Variants in FSTL5 observed in about 807,000 individuals in gnomAD.
The protein encoded by FSTL5 is follistatin like 5.
Under a neutral mutation model 89.1 loss-of-function variants are expected in FSTL5, and 62 were observed. The ratio of observed to expected loss-of-function variants is 0.70; its 90% CI spans 0.57 to 0.86. FSTL5 has a LOEUF of 0.86. Ranked by LOEUF, FSTL5 falls within the 40% of genes least tolerant of loss-of-function variation. The pLI, the probability that FSTL5 is intolerant of heterozygous loss-of-function variation, is 0.00. For synonymous variants in FSTL5, 383 were observed against 346.2 expected (o/e 1.11, Z -1.18); for missense variants, 1,057 against 1,001.6 (o/e 1.06, Z -0.75).
chr4:161,792,734 C>T (rs1283413278), intron 4 of FSTL5, among the ~76,000 whole-genome samples: 5 of 152,182 alleles, frequency 3.3e-5, no homozygotes, highest in Non-Finnish European at 5.9e-5. Flanking sequence ...CTCCTGTTCT[C>T]ATCCCCTGAG....
chr4:162,071,418 T>A (rs1328383764), intron 2 of FSTL5, among the ~76,000 whole-genome samples: 1 of 151,660 alleles, frequency 6.6e-6, no homozygotes, highest in African/African-American at 2.4e-5. Flanking sequence ...TATAATAATA[T>A]AGGAATCAAT....
Position 161,702,296 on chromosome 4 carries a change from C to T in FSTL5, c.728-45802G>A, listed in dbSNP as rs1405946023. On this transcript the variant is annotated intron_variant, in intron 6 of 15. Coordinates refer to ENST00000306100, the MANE Select transcript of FSTL5 (RefSeq NM_020116.5). Reference sequence around the variant, plus strand: ...GATGAGAAGGGTCAACAGAACATTGCATTTTGATAACGACGTTTTAAAATT... The same window carrying T: ...GATGAGAAGGGTCAACAGAACATTGTATTTTGATAACGACGTTTTAAAATT... Among the ~76,000 whole-genome samples the T allele has an allele frequency of 2.0e-5, 3 of 152,274 alleles. No individual in the cohort carries two copies. The East Asian group carries it at 5.8e-4, about 29-fold the overall frequency.
chr4:161,693,308 T>C (rs973967260), intron 6 of FSTL5, among the ~76,000 whole-genome samples: 4 of 152,218 alleles, frequency 2.6e-5, no homozygotes, highest in Non-Finnish European at 5.9e-5. Flanking sequence ...AGAATAATTC[T>C]AGTCTTACAG....
At chr4:162,043,668 A>T (rs957054011) in intron 2 of FSTL5, among the ~76,000 whole-genome samples, 3 of 152,134 alleles carry the variant, frequency 2.0e-5, no homozygotes, top group Non-Finnish European at 2.9e-5. Flanking sequence ...CATGGATTTC[A>T]TCTAGAGTAG....
chr4:162,138,126 AAT>A (rs144104937), intron 1 of FSTL5, among the ~76,000 whole-genome samples: 8,021 of 152,146 alleles, frequency 0.053, 448 homozygotes, highest in African/African-American at 0.13. Flanking sequence ...AAGAAAGTAA[AAT>A]ATATATACAT....
At chr4:161,588,334 A>T (rs2126608029) in intron 7 of FSTL5, among the ~76,000 whole-genome samples, 1 of 152,278 alleles carries the variant, frequency 6.6e-6, no homozygotes, top group East Asian at 1.9e-4. Context: ...ATTTACCAAT[A>T]AAAATAATTA....
At chr4:161,428,047 C>A (rs1732223723) in intron 15 of FSTL5, among the ~76,000 whole-genome samples, 1 of 152,148 alleles carries the variant, frequency 6.6e-6, no homozygotes, top group Admixed American at 6.5e-5. Context: ...AGCCACATGG[C>A]ACAGAGAGAG....
intron 15 of FSTL5, among the ~76,000 whole-genome samples, chr4:161,389,000 T>C (rs1462426928): frequency 1.3e-5 from 2 of 152,122 alleles, no homozygotes; most frequent in African/African-American, 4.8e-5. Flanking sequence ...AGCATCTGCA[T>C]TGTATGCTCC....
At chr4:161,813,922 AT>A (rs1302137485) in intron 4 of FSTL5, among the ~76,000 whole-genome samples, 1 of 152,150 alleles carries the variant, frequency 6.6e-6, no homozygotes, top group African/African-American at 2.4e-5. Context: ...GAAAAGGGAA[AT>A]TTTATTTTAT....
chr4:161,683,870 A>G lies in FSTL5; in HGVS notation c.728-27376T>C, dbSNP rs143515889. On this transcript the variant is annotated intron_variant, in intron 6 of 15. Coordinates refer to ENST00000306100, the MANE Select transcript of FSTL5 (RefSeq NM_020116.5). ...ACCCGAGCAAAATACACTGCACCCA[A>G]TTTGTGGTCTTTTATCCCTCACCTC... is the stretch of plus-strand genomic sequence containing the variant. Among the ~76,000 whole-genome samples, 490 of 152,216 alleles carry G rather than the reference A, an allele frequency of 3.2e-3. 1 individual carries two copies. Among genetic ancestry groups the G allele is most frequent in the African/African-American group, 0.01 (433 of 41,534 alleles).
intron 15 of FSTL5, among the ~76,000 whole-genome samples, chr4:161,424,033 T>C (rs1265643661): frequency 1.8e-5 from 2 of 112,706 alleles, no homozygotes; most frequent in African/African-American, 5.8e-5. Flanking sequence ...TCTTTTTTTT[T>C]TTTTTTTTTT....
intron 8 of FSTL5, among the ~76,000 whole-genome samples, chr4:161,570,012 C>T (rs1219201234): frequency 6.6e-6 from 1 of 152,144 alleles, no homozygotes; most frequent in Non-Finnish European, 1.5e-5. Context: ...TATTCATCTA[C>T]TCATGTACAT....
rs74425031 is a variant in FSTL5, at chr4:161,633,239, C to T, written c.894+23089G>A. On this transcript the variant is annotated intron_variant, in intron 7 of 15. Transcript: ENST00000306100. ...ATTTTATTACTAAATTATACAGCTTCCCCCCCACTTTTGTTTTTGTTTTTG... is the reference window on the plus strand; with the variant it reads ...ATTTTATTACTAAATTATACAGCTTTCCCCCCACTTTTGTTTTTGTTTTTG... 5.5e-3 allele frequency among the ~76,000 whole-genome samples: 826 copies of T among 150,238 alleles called. 7 individuals are homozygous for T. Among genetic ancestry groups the T allele is most frequent in the African/African-American group, 0.016 (657 of 41,130 alleles).
rs10471086 is a variant in FSTL5 at position 161,402,034 on chromosome 4, G to A, written c.1842-15585C>T. Among the ~76,000 whole-genome samples, 1,431 of 152,086 alleles carry A rather than the reference G, an allele frequency of 9.4e-3. 18 individuals are homozygous for A. Among genetic ancestry groups the A allele is most frequent in the East Asian group, 0.054 (280 of 5,174 alleles). Reference sequence around the variant, plus strand: ...TTCATTTAGCCAAAGGATTTATAAAGTGCTTTTTCATATCTCTATATGACC... The same window carrying A: ...TTCATTTAGCCAAAGGATTTATAAAATGCTTTTTCATATCTCTATATGACC... On this transcript the variant is annotated intron_variant, in intron 15 of 15. Transcript: ENST00000306100.
In FSTL5 at chr4:162,062,250, C is replaced by T. The variant is rs188793389; in HGVS notation, c.127-28592G>A. ...ACCTTATTATGAGTTTACTCTTTTTCGTAGGATAGATTTCTAAATAGCAGT... is the reference window on the plus strand; with the variant it reads ...ACCTTATTATGAGTTTACTCTTTTTTGTAGGATAGATTTCTAAATAGCAGT... On this transcript the variant is annotated intron_variant, in intron 2 of 15. Coordinates refer to ENST00000306100, the MANE Select transcript of FSTL5 (RefSeq NM_020116.5). Among the ~76,000 whole-genome samples, 403 of 151,822 alleles carry T rather than the reference C, an allele frequency of 2.7e-3. 2 individuals are homozygous for T. The highest frequency in any genetic ancestry group is 8.9e-3 in the African/African-American group (370 of 41,460).
At chr4:161,755,905 C>G (rs1202909615) in intron 6 of FSTL5, among the ~76,000 whole-genome samples, 2 of 151,992 alleles carry the variant, frequency 1.3e-5, no homozygotes, top group African/African-American at 4.8e-5. Flanking sequence ...CTAAACTTCA[C>G]AAAACCCAAG....
rs559396894 is a variant in FSTL5, at chr4:161,678,313, T to C, written c.728-21819A>G. On this transcript the variant is annotated intron_variant, in intron 6 of 15. Coordinates refer to ENST00000306100, the MANE Select transcript of FSTL5 (RefSeq NM_020116.5). Reference sequence around the variant, plus strand: ...CAATTAAATTAATTAAAGGTGTGCTTTTTCCCTCATCAGGAAAAACAGAAT... The same window carrying C: ...CAATTAAATTAATTAAAGGTGTGCTCTTTCCCTCATCAGGAAAAACAGAAT... 7.8e-4 allele frequency among the ~76,000 whole-genome samples: 118 copies of C among 151,938 alleles called. 1 individual carries two copies. The highest frequency in any genetic ancestry group is 2.8e-3 in the African/African-American group (115 of 41,538).
intron 7 of FSTL5, among the ~76,000 whole-genome samples, chr4:161,631,183 T>C (rs1735494504): frequency 6.6e-6 from 1 of 152,226 alleles, no homozygotes; most frequent in African/African-American, 2.4e-5. Flanking sequence ...TATATGCCCA[T>C]TTCTACCTTC....
chr4:161,661,364 G>A (rs999829501), intron 6 of FSTL5, among the ~76,000 whole-genome samples: 1 of 151,972 alleles, frequency 6.6e-6, no homozygotes, highest in East Asian at 1.9e-4. Flanking sequence ...TAGGAATGAA[G>A]CCTAGAATAA....
Sources: gnomAD v4.1 joint callset for allele counts (sites outside exome capture counted in the v4.1 genomes callset) on GRCh38, gnomAD v4.1.1 for gene constraint, MANE v1.5 for transcripts, NCBI Gene and HGNC (gene_info 2026-07-23, HGNC 2026-07-21) for gene names.